Variants in CERS4 observed in about 807,000 individuals in gnomAD.
The protein encoded by CERS4 is LAG1 homolog, ceramide synthase 4.
In CERS4, 65 loss-of-function variants were observed where a neutral mutation model predicts 51.8. The ratio of observed to expected loss-of-function variants is 1.26; its 90% CI spans 1.03 to 1.54. CERS4 has a LOEUF of 1.54. CERS4 is among the 40% of genes most tolerant of loss of function. CERS4 has a pLI of 0.00. For synonymous variants in CERS4, 228 were observed against 208.4 expected, an observed-to-expected ratio of 1.09 and a Z score of -0.81; for missense variants, 563 against 500.4, an observed-to-expected ratio of 1.13 and a Z score of -1.19.
At position 8,256,192 on chromosome 19, in the gene CERS4, T is replaced by G. The variant is rs758240466; in HGVS notation, c.469-44T>G. On this transcript the variant is annotated intron_variant, in intron 6 of 11. Transcript: ENST00000251363. ...GAGACCGCAGACCCAGGGTGGGAGGTTGGATTCTCACCTCTGCACAGCCTG... is the reference window on the plus strand; with the variant it reads ...GAGACCGCAGACCCAGGGTGGGAGGGTGGATTCTCACCTCTGCACAGCCTG... The G allele has an allele frequency of 5.0e-6, 8 of 1,586,964 alleles. No homozygotes were observed. In the African/African-American group the frequency reaches 1.1e-4, roughly 21 times the overall value.
chr19:8,227,750 C>T (rs939730755), intron 2 of CERS4, among the ~76,000 whole-genome samples: 1 of 152,044 alleles, frequency 6.6e-6, no homozygotes, highest in Admixed American at 6.6e-5. Flanking sequence ...TGTGTGATTC[C>T]ACTTACATGA....
chr19:8,245,119 A>AC (rs1568523403), intron 2 of CERS4, among the ~76,000 whole-genome samples: 6 of 62,046 alleles, frequency 9.7e-5, no homozygotes, highest in African/African-American at 2.7e-4. Flanking sequence ...CTCAAAAAAA[A>AC]AAAAAAAAAA....
intron 2 of CERS4, among the ~76,000 whole-genome samples, chr19:8,232,882 C>T (rs997375188): frequency 6.9e-6 from 1 of 143,950 alleles, no homozygotes; most frequent in African/African-American, 2.7e-5. Context: ...ACCACCATGC[C>T]TCGCTGATTT....
intron 10 of CERS4, among the ~76,000 whole-genome samples, chr19:8,260,075 A>C (rs1969599640): frequency 6.6e-6 from 1 of 151,782 alleles, no homozygotes; most frequent in African/African-American, 2.4e-5. Context: ...GGGAGGAGGG[A>C]GGGCTGCTGG....
chr19:8,225,831 C>T (rs1599527136), intron 2 of CERS4, among the ~76,000 whole-genome samples: 1 of 144,514 alleles, frequency 6.9e-6, no homozygotes, highest in Non-Finnish European at 1.5e-5. Flanking sequence ...TACTGCCTGG[C>T]CATTTGTCAG....
intron 2 of CERS4, among the ~76,000 whole-genome samples, chr19:8,232,893 T>A (rs1359848748): frequency 1.5e-5 from 2 of 133,520 alleles, no homozygotes; most frequent in African/African-American, 6.5e-5. Flanking sequence ...TCGCTGATTT[T>A]TTTTTTTTTT....
intron 2 of CERS4, among the ~76,000 whole-genome samples, chr19:8,249,567 G>A (rs980536747): frequency 6.7e-6 from 1 of 149,594 alleles, no homozygotes; most frequent in Non-Finnish European, 1.5e-5. Flanking sequence ...TTCCATAGAT[G>A]GCCAGGAAAG....
intron 2 of CERS4, among the ~76,000 whole-genome samples, chr19:8,237,019 AAAAAAAAACG>A (rs1333056807): frequency 1.3e-5 from 2 of 151,090 alleles, no homozygotes; most frequent in Non-Finnish European, 3.0e-5. Flanking sequence ...AAAAAAAAAA[AAAAAAAAACG>A]AAAAGGAGAA....
intron 10 of CERS4, chr19:8,261,338 G>C (rs547079769): frequency 3.7e-6 from 1 of 270,488 alleles, no homozygotes; most frequent in African/African-American, 2.2e-5. Flanking sequence ...TATGAGGTGA[G>C]TAGGCAGTCG....
intron 2 of CERS4, among the ~76,000 whole-genome samples, chr19:8,232,732 T>G (rs1440105014): frequency 6.6e-6 from 1 of 151,442 alleles, no homozygotes; most frequent in Admixed American, 6.6e-5. Flanking sequence ...CCTTTTTTTT[T>G]TTTTTTGAGA....
At chr19:8,244,517 T>C (rs957073722) in intron 2 of CERS4, among the ~76,000 whole-genome samples, 5 of 152,166 alleles carry the variant, frequency 3.3e-5, no homozygotes, top group African/African-American at 1.2e-4. Flanking sequence ...CCCTTCTCTT[T>C]TCTGGCTCCA....
At chr19:8,236,445 A>C (rs1487656911) in intron 2 of CERS4, among the ~76,000 whole-genome samples, 2 of 152,126 alleles carry the variant, frequency 1.3e-5, no homozygotes, top group Admixed American at 1.3e-4. Context: ...CAATCCCAGC[A>C]CTTTGGGAGG....
intron 2 of CERS4, among the ~76,000 whole-genome samples, chr19:8,243,393 C>T (rs1968622166): frequency 6.6e-6 from 1 of 151,406 alleles, no homozygotes; most frequent in African/African-American, 2.4e-5. Context: ...GAGAAATCAA[C>T]CACCTGGGCT....
chr19:8,256,723 A>G lies in CERS4; in HGVS notation c.612+13A>G. Reference sequence around the variant, plus strand: ...TGTCAAGCGCAAGGTGAGGCCAAATAAGAGTCTGGAAGACCCAGTCTCTGG... The same window carrying G: ...TGTCAAGCGCAAGGTGAGGCCAAATGAGAGTCTGGAAGACCCAGTCTCTGG... On this transcript the variant is annotated intron_variant, in intron 8 of 11. Coordinates refer to ENST00000251363, the MANE Select transcript of CERS4 (RefSeq NM_024552.3). 1 of 1,608,922 alleles carries G rather than the reference A, an allele frequency of 6.2e-7. No homozygotes were observed. Among genetic ancestry groups the G allele is most frequent in the Non-Finnish European group, 8.5e-7 (1 of 1,177,688 alleles).
At chr19:8,244,710 C>T (rs556096171) in intron 2 of CERS4, among the ~76,000 whole-genome samples, 4 of 152,244 alleles carry the variant, frequency 2.6e-5, no homozygotes, top group Admixed American at 2.0e-4. Flanking sequence ...CCAAGGGCAA[C>T]GGAACCCTCA....
chr19:8,249,511 A>G (rs1490465384), intron 2 of CERS4, among the ~76,000 whole-genome samples: 1 of 151,042 alleles, frequency 6.6e-6, no homozygotes, highest in African/African-American at 2.4e-5. Flanking sequence ...GGGCTCTGGG[A>G]TAGCAAGAGA....
At chr19:8,260,428 G>A (rs1010940617) in intron 10 of CERS4, among the ~76,000 whole-genome samples, 16 of 145,172 alleles carry the variant, frequency 1.1e-4, no homozygotes, top group Non-Finnish European at 1.4e-4. Flanking sequence ...GGCTGGACTC[G>A]AACTTCTGAC....
intron 3 of CERS4, among the ~76,000 whole-genome samples, chr19:8,253,626 G>A (rs11878743): frequency 0.1 from 15,525 of 151,538 alleles, 1,730 homozygotes; most frequent in African/African-American, 0.28. Flanking sequence ...CACCTCGCCC[G>A]GCTAATTTTT....
At chr19:8,251,030 C>G (rs368163494) in intron 2 of CERS4, 46 bp from the exon 3 acceptor site, 1 of 1,532,094 alleles carries the variant, frequency 6.5e-7, no homozygotes, top group Non-Finnish European at 8.8e-7. Context: ...TTGCCCCACC[C>G]ATTCTGCTTG....
Sources: allele counts gnomAD v4.1 joint callset (sites outside exome capture counted in the v4.1 genomes callset), GRCh38; gene constraint gnomAD v4.1.1; transcripts MANE v1.5; gene names NCBI Gene and HGNC (gene_info 2026-07-23, HGNC 2026-07-21).